The following MYT1L variants were observed in gnomAD, a reference collection of about 807,000 sequenced individuals.
MYT1L encodes myelin transcription factor 1 like.
MYT1L carries 12 observed loss-of-function variants against 126.7 expected under a neutral mutation model. The observed-to-expected ratio is 0.09, with a 90% CI of 0.06 to 0.15. MYT1L has a LOEUF of 0.15. Ranked by LOEUF, MYT1L falls within the 10% of genes least tolerant of loss-of-function variation. MYT1L has a pLI of 1.00. For missense variants in MYT1L, 979 were observed against 1,585.2 expected (o/e 0.62, Z 6.49); for synonymous variants, 541 against 604.2 (o/e 0.90, Z 1.53).
At chr2:2,028,260 C>T (rs2065849689) in intron 4 of MYT1L, among the ~76,000 whole-genome samples, 1 of 152,244 alleles carries the variant, frequency 6.6e-6, no homozygotes, top group Non-Finnish European at 1.5e-5. Context: ...TAGCCCAAAC[C>T]AGGCTCAGGC....
intron 21 of MYT1L, among the ~76,000 whole-genome samples, chr2:1,819,856 G>A (rs1476797349): frequency 2.0e-5 from 3 of 152,244 alleles, no homozygotes; most frequent in Non-Finnish European, 2.9e-5. Flanking sequence ...CTGGAGGGAT[G>A]GGTAAGAGCT....
At chr2:2,046,524 C>A (rs778217614) in intron 4 of MYT1L, among the ~76,000 whole-genome samples, 2 of 152,130 alleles carry the variant, frequency 1.3e-5, no homozygotes, top group Non-Finnish European at 2.9e-5. Flanking sequence ...GTGACAAGTG[C>A]CATTTTCACT....
intron 8 of MYT1L, among the ~76,000 whole-genome samples, chr2:1,956,351 C>A (rs1228795857): frequency 6.7e-6 from 1 of 150,098 alleles, no homozygotes; most frequent in African/African-American, 2.5e-5. Flanking sequence ...CCTATTCTAT[C>A]TATCTATCTA....
intron 3 of MYT1L, among the ~76,000 whole-genome samples, chr2:2,150,292 A>C (rs1035619962): frequency 3.6e-4 from 55 of 152,330 alleles, no homozygotes; most frequent in African/African-American, 1.3e-3. Context: ...AAAAGCACTA[A>C]AATAACACCA....
intron 8 of MYT1L, among the ~76,000 whole-genome samples, chr2:1,956,566 A>C (rs1465750586): frequency 1.6e-5 from 2 of 126,782 alleles, no homozygotes; most frequent in African/African-American, 3.1e-5. Context: ...CCTATTCTAT[A>C]TTTCCTATTC....
chr2:2,183,872 G>T (rs528336829), intron 2 of MYT1L, among the ~76,000 whole-genome samples: 25 of 143,766 alleles, frequency 1.7e-4, no homozygotes, highest in African/African-American at 6.5e-4. Context: ...AAAAAGGAAG[G>T]AAGGAAGGAG....
At chr2:2,306,566 T>A (rs2095862004) in intron 1 of MYT1L, among the ~76,000 whole-genome samples, 1 of 152,114 alleles carries the variant, frequency 6.6e-6, no homozygotes, top group Non-Finnish European at 1.5e-5. Flanking sequence ...CAATGCAACA[T>A]GCCTATTTCC....
chr2:2,237,987 C>T (rs1234036701), intron 2 of MYT1L, among the ~76,000 whole-genome samples: 1 of 152,210 alleles, frequency 6.6e-6, no homozygotes, highest in Non-Finnish European at 1.5e-5. Context: ...TTTCACTTTC[C>T]ACATTGAAGA....
intron 9 of MYT1L, among the ~76,000 whole-genome samples, chr2:1,940,886 C>T (rs762393807): frequency 2.0e-5 from 3 of 152,218 alleles, no homozygotes; most frequent in Non-Finnish European, 4.4e-5. Flanking sequence ...GGTCTGGCCG[C>T]AGAGTTAGAA....
At chr2:1,829,680 T>G (rs74169686) in intron 21 of MYT1L, among the ~76,000 whole-genome samples, 1 of 94,894 alleles carries the variant, frequency 1.1e-5, no homozygotes, top group Non-Finnish European at 2.0e-5. Flanking sequence ...CACCTGTGAA[T>G]TGACCCTCCC....
rs573509884 is a variant in MYT1L at position 1,934,178 on chromosome 2, G to A, written c.505+8804C>T. On this transcript the variant is annotated intron_variant, in intron 9 of 24. Transcript: ENST00000647738. ...TTTAGTAGAGACGGGGTTTCATCGT[G>A]TTAGCCAGGATGGTCTCGATCTCCT... Among the ~76,000 whole-genome samples, 16 of 151,394 alleles carry A rather than the reference G, an allele frequency of 1.1e-4. No homozygotes were observed. The East Asian group carries it at 2.9e-3, about 28-fold the overall frequency.
rs1303491597 is a variant in MYT1L, at chr2:1,801,136, G to C, written c.3276+560C>G. 1 of 152,750 alleles carries C rather than the reference G, an allele frequency of 6.5e-6. No individual in the cohort carries two copies. The highest frequency in any genetic ancestry group is 6.5e-5 in the Admixed American group (1 of 15,284). 9.5% of individuals were successfully genotyped at this position (152,750 alleles called of 1,614,324 possible). A position where few individuals can be genotyped will look rare whatever the true frequency, so the allele number is the denominator to read the frequency against. ...TTAGAAGCTGTATGTTTAAGATGAGGCTGAGGACGTTTACCCTGTGGGCTG... is the reference window on the plus strand; with the variant it reads ...TTAGAAGCTGTATGTTTAAGATGAGCCTGAGGACGTTTACCCTGTGGGCTG... On this transcript the variant is annotated intron_variant, in intron 23 of 24. Transcript: ENST00000647738. This position sits in a 1 kb window ranked among gnomAD's most constrained non-coding sequence, Gnocchi z 4.2.
At chr2:1,920,687 T>C (rs2053457061) in intron 10 of MYT1L, among the ~76,000 whole-genome samples, 2 of 152,252 alleles carry the variant, frequency 1.3e-5, no homozygotes, top group Admixed American at 6.5e-5. Context: ...CATTCCTGTA[T>C]GATTCTCAAA....
At chr2:1,972,996 T>C (rs1242876413) in intron 8 of MYT1L, among the ~76,000 whole-genome samples, 1 of 152,202 alleles carries the variant, frequency 6.6e-6, no homozygotes, top group Admixed American at 6.5e-5. Flanking sequence ...AATTGCAGGG[T>C]TGGAACCCTA....
intron 11 of MYT1L, among the ~76,000 whole-genome samples, chr2:1,914,886 G>A (rs775675845): frequency 4.1e-4 from 63 of 152,156 alleles, no homozygotes; most frequent in Non-Finnish European, 3.5e-4. Flanking sequence ...TTTTACAACA[G>A]CCTTTAGAAA....
chr2:2,064,522 C>T (rs2070966869), intron 3 of MYT1L, among the ~76,000 whole-genome samples: 1 of 152,152 alleles, frequency 6.6e-6, no homozygotes, highest in Non-Finnish European at 1.5e-5. Flanking sequence ...ATTATCATGA[C>T]CTCCCTGAGG....
chr2:1,870,629 G>C (rs1336417593), intron 18 of MYT1L, among the ~76,000 whole-genome samples: 9 of 152,120 alleles, frequency 5.9e-5, no homozygotes, highest in Non-Finnish European at 1.2e-4. Context: ...AGTCCATCGT[G>C]AACTCTGAAT....
chr2:2,066,236 C>A (rs936347423), intron 3 of MYT1L, among the ~76,000 whole-genome samples: 1 of 152,270 alleles, frequency 6.6e-6, no homozygotes, highest in South Asian at 2.1e-4. Flanking sequence ...CACAGAGGAA[C>A]GGTAATGATA....
intron 3 of MYT1L, among the ~76,000 whole-genome samples, chr2:2,114,468 C>A (rs1247194221): frequency 6.6e-6 from 1 of 152,144 alleles, no homozygotes; most frequent in Non-Finnish European, 1.5e-5. Context: ...CTTATAATCG[C>A]CCAGTTTAAG....
Sources: gnomAD v4.1 joint callset for allele counts (sites outside exome capture counted in the v4.1 genomes callset) on GRCh38, gnomAD v4.1.1 for gene constraint, Gnocchi (gnomAD v3.1) non-coding constraint, MANE v1.5 for transcripts, NCBI Gene and HGNC (gene_info 2026-07-23, HGNC 2026-07-21) for gene names.